Variants in DTX2 observed in about 807,000 individuals in gnomAD.
DTX2 encodes the protein probable E3 ubiquitin-protein ligase DTX2.
Under a neutral mutation model 55.3 loss-of-function variants are expected in DTX2, and 29 were observed. The ratio of observed to expected loss-of-function variants is 0.52; its 90% confidence interval spans 0.39 to 0.71. The LOEUF (loss-of-function observed/expected upper bound fraction) is 0.71, where lower values mean the gene tolerates loss of function less well. DTX2 is among the 30% of genes least tolerant of loss of function. DTX2 has a pLI of 0.00. For missense variants in DTX2, 537 were observed against 822.5 expected (o/e 0.65, Z 4.25); for synonymous variants, 276 against 340.4 (o/e 0.81, Z 2.08).
chr7:76,479,744 G>A (rs532924775), intron 2 of DTX2, among the ~76,000 whole-genome samples: 214 of 151,752 alleles, frequency 1.4e-3, no homozygotes, highest in African/African-American at 1.7e-3. Flanking sequence ...GAGATCACAC[G>A]CCTGGGTGAC....
intron 2 of DTX2, chr7:76,477,068 T>C (rs1267614475): frequency 2.0e-5 from 3 of 150,040 alleles, no homozygotes; most frequent in Admixed American, 6.6e-5. Flanking sequence ...CAGGAGTAAT[T>C]GGCTTGGAAG....
intron 3 of DTX2, 120 bp downstream of exon 3, chr7:76,480,897 A>AC: frequency 8.3e-7 from 1 of 1,205,772 alleles, no homozygotes; most frequent in Non-Finnish European, 1.1e-6. Flanking sequence ...TCCCTGCAGC[A>AC]CACGTGGTGG....
In DTX2 at chr7:76,476,475, C is replaced by G. The variant is rs978655747; in HGVS notation, c.-89-3946C>G. On this transcript the variant is annotated intron_variant, in intron 2 of 10. Transcript: ENST00000430490. ...ATTGGGCACCTGAAGAGCTGCAGCCCCAGCTCTGCCCTCAGGGAGTTTCTG... is the reference window on the plus strand; with the variant it reads ...ATTGGGCACCTGAAGAGCTGCAGCCGCAGCTCTGCCCTCAGGGAGTTTCTG... 3.9e-5 allele frequency among the ~76,000 whole-genome samples: 6 copies of G among 152,042 alleles called. No homozygotes were observed. The East Asian group carries it at 7.7e-4, about 20-fold the overall frequency.
chr7:76,495,986 G>T (rs1278213086), intron 5 of DTX2, among the ~76,000 whole-genome samples: 1 of 106,350 alleles, frequency 9.4e-6, no homozygotes, highest in African/African-American at 4.3e-5. Flanking sequence ...TCTGCCACCC[G>T]CGCCCGCTTG....
In DTX2 at chr7:76,505,636, C is replaced by A. The variant is rs1812264224; in HGVS notation, c.*35C>A. On this transcript the variant is annotated 3_prime_UTR_variant, in exon 11 of 11. Transcript: ENST00000430490. The surrounding 1 kb of genome is among the most constrained non-coding windows in gnomAD (Gnocchi z 4.4). The stretch of plus-strand genomic sequence containing the variant: ...CCAGCACGCCCGCCTCTGGTGGCCA[C>A]CCCGCTGCCCCATGGCTGGCTGGGT... 6.5e-7 allele frequency: 1 copy of A among 1,530,090 alleles called. No homozygotes were observed. The highest frequency in any genetic ancestry group is 1.2e-5 in the South Asian group (1 of 83,660). 94.8% of individuals were successfully genotyped at this position (1,530,090 alleles called of 1,614,324 possible). A position where few individuals can be genotyped will look rare whatever the true frequency, so the allele number is the denominator to read the frequency against.
intron 2 of DTX2, among the ~76,000 whole-genome samples, chr7:76,475,539 T>G (rs1334861228): frequency 1.4e-4 from 20 of 141,516 alleles, no homozygotes; most frequent in Admixed American, 7.2e-5. Context: ...ATACAAAAAT[T>G]AGCCAGGCGT....
At chr7:76,499,958 T>C (rs572932122) in intron 6 of DTX2, 2 of 351,608 alleles carry the variant, frequency 5.7e-6, no homozygotes, top group African/African-American at 4.3e-5. Context: ...GCGGTCGGCG[T>C]GTGTGCAGCT....
chr7:76,500,716 A>AG (rs1434115077), intron 7 of DTX2, among the ~76,000 whole-genome samples, 196 bp downstream of exon 7: 2 of 150,824 alleles, frequency 1.3e-5, no homozygotes, highest in Non-Finnish European at 3.0e-5. Context: ...GCACTTAAGG[A>AG]GCTGTGGTCC....
At chr7:76,501,211 G>A (rs1371772992) in intron 7 of DTX2, 6 of 445,386 alleles carry the variant, frequency 1.3e-5, no homozygotes, top group African/African-American at 1.2e-4. Context: ...CTTGGGGGCG[G>A]GTGGAAGGCC....
rs1359912191 is a variant in DTX2, at chr7:76,489,828, A to C, written c.909-2325A>C. Among the ~76,000 whole-genome samples, 20 of 135,634 alleles carry C rather than the reference A, an allele frequency of 1.5e-4. 1 individual carries two copies. The East Asian group carries it at 3.3e-3, about 22-fold the overall frequency. The allele number at this position is 135,634 out of a possible 152,430, so 89.0% of individuals were successfully genotyped here. A position where few individuals can be genotyped will look rare whatever the true frequency, so the allele number is the denominator to read the frequency against. On this transcript the variant is annotated intron_variant, in intron 4 of 10. Coordinates refer to ENST00000430490, the MANE Select transcript of DTX2 (RefSeq NM_001102594.3). The stretch of plus-strand genomic sequence containing the variant: ...ACAGAACGAGACTCTGTCTCAAAAA[A>C]TCCAAAGACCAAATGAGTGACTTGA...
intron 7 of DTX2, among the ~76,000 whole-genome samples, chr7:76,501,686 C>T (rs943728395): frequency 6.6e-6 from 1 of 152,040 alleles, no homozygotes; most frequent in Non-Finnish European, 1.5e-5. Flanking sequence ...CTCCCTCTTC[C>T]GGGTGCCCAC....
In DTX2 at chr7:76,503,605, G is replaced by A; in HGVS notation, c.1551+18G>A. ...GTATCCAGGTGAGGGGCCTTCTTGAGTCCCCCACTCCTGGCCACTCCTCTT... is the reference window on the plus strand; with the variant it reads ...GTATCCAGGTGAGGGGCCTTCTTGAATCCCCCACTCCTGGCCACTCCTCTT... On this transcript the variant is annotated intron_variant, in intron 9 of 10. Coordinates refer to ENST00000430490, the MANE Select transcript of DTX2 (RefSeq NM_001102594.3). 1.2e-6 allele frequency: 2 copies of A among 1,602,710 alleles called. No individual in the cohort carries two copies. The highest frequency in any genetic ancestry group is 1.7e-6 in the Non-Finnish European group (2 of 1,172,754).
chr7:76,502,039 A>C (rs1347326865), intron 7 of DTX2: 11 of 485,376 alleles, frequency 2.3e-5, no homozygotes, highest in African/African-American at 5.8e-5. Context: ...GGCACCTGCC[A>C]ACACGCCCAG....
chr7:76,495,135 C>CA (rs1426055346), intron 5 of DTX2, among the ~76,000 whole-genome samples: 1 of 144,532 alleles, frequency 6.9e-6, no homozygotes, highest in Non-Finnish European at 1.5e-5. Flanking sequence ...CTCCACCCCT[C>CA]ACCTGGTCAC....
In DTX2 at chr7:76,479,316, G is replaced by A. The variant is rs557409474; in HGVS notation, c.-89-1105G>A. ...GTGGCCGGTCAGCAGGGGCCAGGTCGGGGAGTGGGTGCAGAGAGCCTTGGA... is the reference window on the plus strand; with the variant it reads ...GTGGCCGGTCAGCAGGGGCCAGGTCAGGGAGTGGGTGCAGAGAGCCTTGGA... On this transcript the variant is annotated intron_variant, in intron 2 of 10. Coordinates refer to ENST00000430490, the MANE Select transcript of DTX2 (RefSeq NM_001102594.3). Among the ~76,000 whole-genome samples the A allele has an allele frequency of 5.4e-3, 529 of 97,642 alleles. 86 individuals are homozygous for A. In the East Asian group the frequency reaches 0.13, roughly 24 times the overall value. 64.1% of individuals were successfully genotyped at this position (97,642 alleles called of 152,430 possible). A position where few individuals can be genotyped will look rare whatever the true frequency, so the allele number is the denominator to read the frequency against.
At chr7:76,471,156 C>CTTTTTTTTTTTTTTTTTTTTTTTT in intron 2 of DTX2, 1 of 257,370 alleles carries the variant, frequency 3.9e-6, no homozygotes, top group Non-Finnish European at 6.7e-6. Flanking sequence ...TCCATTCGTT[C>CTTTTTTTTTTTTTTTTTTTTTTTT]TTTTTTTTTT....
At chr7:76,483,477 G>GTCAC (rs1809555751) in intron 4 of DTX2, among the ~76,000 whole-genome samples, 1 of 152,226 alleles carries the variant, frequency 6.6e-6, no homozygotes. Context: ...AGAACACTGG[G>GTCAC]TCACTGCCTG....
chr7:76,472,794 A>G (rs1375325991), intron 2 of DTX2, among the ~76,000 whole-genome samples: 1 of 152,136 alleles, frequency 6.6e-6, no homozygotes, highest in Non-Finnish European at 1.5e-5. Flanking sequence ...TCTCCACTCA[A>G]AGACAGCTGT....
At chr7:76,466,634 T>A (rs1807216322) in intron 2 of DTX2, among the ~76,000 whole-genome samples, 1 of 151,956 alleles carries the variant, frequency 6.6e-6, no homozygotes, top group Admixed American at 6.6e-5. Flanking sequence ...TCTTATTGCC[T>A]AGGCTGGAGT....
Sources: gnomAD v4.1 joint callset for allele counts (sites outside exome capture counted in the v4.1 genomes callset) on GRCh38, gnomAD v4.1.1 for gene constraint, Gnocchi (gnomAD v3.1) non-coding constraint, MANE v1.5 for transcripts, NCBI Gene and HGNC (gene_info 2026-07-23, HGNC 2026-07-21) for gene names.